Variants in ABCB5 observed in about 807,000 individuals in gnomAD.
The protein encoded by ABCB5 is ATP binding cassette subfamily B member 5, also known as ATP-binding cassette sub-family B member 5.
In ABCB5, 155 loss-of-function variants were observed where a neutral mutation model predicts 144.2. The observed-to-expected ratio is 1.08, with a 90% CI of 0.94 to 1.23. ABCB5 has a LOEUF of 1.23. Ranked by LOEUF, ABCB5 falls within the 50% of genes most tolerant of loss-of-function variation. The pLI, the probability that ABCB5 is intolerant of heterozygous loss-of-function variation, is 0.00. For missense variants in ABCB5, 1,830 were observed against 1,520.8 expected, an observed-to-expected ratio of 1.20 and a Z score of -3.38; for synonymous variants, 610 against 528.6, an observed-to-expected ratio of 1.15 and a Z score of -2.11.
intron 12 of ABCB5, among the ~76,000 whole-genome samples, chr7:20,651,039 T>G (rs1784565963): frequency 6.6e-6 from 1 of 152,196 alleles, no homozygotes; most frequent in Non-Finnish European, 1.5e-5. Flanking sequence ...TGTGAGATGT[T>G]GAAATAATGG....
intron 23 of ABCB5, among the ~76,000 whole-genome samples, chr7:20,735,663 T>G (rs1211890657): frequency 6.6e-6 from 1 of 152,124 alleles, no homozygotes; most frequent in African/African-American, 2.4e-5. Flanking sequence ...ACAGTTGATA[T>G]CTAGGGCCTT....
intron 20 of ABCB5, among the ~76,000 whole-genome samples, chr7:20,720,827 C>G (rs534859688): frequency 1.3e-5 from 2 of 150,896 alleles, no homozygotes; most frequent in East Asian, 3.9e-4. Context: ...GCCTGTAGTC[C>G]CAGCTACACG....
At chr7:20,690,355 C>G (rs1343114036) in intron 16 of ABCB5, among the ~76,000 whole-genome samples, 1 of 152,132 alleles carries the variant, frequency 6.6e-6, no homozygotes, top group Non-Finnish European at 1.5e-5. Context: ...TGTATCACAA[C>G]TTTAGGTTAC....
chr7:20,630,294 T>G (rs1784011020), intron 4 of ABCB5, among the ~76,000 whole-genome samples: 1 of 152,180 alleles, frequency 6.6e-6, no homozygotes, highest in South Asian at 2.1e-4. Context: ...TTAGCCTTTC[T>G]TTGTTCAGTC....
chr7:20,650,515 T>C (rs1384977745), intron 12 of ABCB5, among the ~76,000 whole-genome samples: 2 of 152,068 alleles, frequency 1.3e-5, no homozygotes, highest in African/African-American at 4.8e-5. Context: ...CTATCAAGAA[T>C]TTCAAAGTTT....
intron 20 of ABCB5, among the ~76,000 whole-genome samples, chr7:20,715,709 C>A (rs919193629): frequency 6.6e-6 from 1 of 150,862 alleles, no homozygotes; most frequent in African/African-American, 2.5e-5. Flanking sequence ...CGCACCCAGC[C>A]TAGAGCGAGC....
intron 16 of ABCB5, 75 bp downstream of exon 16, chr7:20,685,911 T>C (rs1221057417): frequency 7.2e-7 from 1 of 1,381,832 alleles, no homozygotes; most frequent in Non-Finnish European, 9.5e-7. Context: ...AATTTAAAAT[T>C]TATTTATAGT....
intron 19 of ABCB5, among the ~76,000 whole-genome samples, chr7:20,703,149 C>T (rs1194975096): frequency 3.9e-5 from 6 of 152,116 alleles, no homozygotes. Context: ...ATATTTTTTA[C>T]TTTATACTGT....
At chr7:20,728,579 C>T (rs975929522) in intron 23 of ABCB5, 124 bp downstream of exon 23, 3 of 1,127,294 alleles carry the variant, frequency 2.7e-6, no homozygotes, top group South Asian at 1.8e-5. Flanking sequence ...CATAATAAAA[C>T]CCCATCTCTA....
At chr7:20,716,864 C>G (rs1183316002) in intron 20 of ABCB5, among the ~76,000 whole-genome samples, 1 of 152,128 alleles carries the variant, frequency 6.6e-6, no homozygotes, top group African/African-American at 2.4e-5. Flanking sequence ...TACAGCTTTC[C>G]CTTAGGAATT....
At chr7:20,662,638 CA>C (rs1312271054) in intron 14 of ABCB5, among the ~76,000 whole-genome samples, 1 of 152,046 alleles carries the variant, frequency 6.6e-6, no homozygotes, top group Admixed American at 6.5e-5. Context: ...GAAATTTAGA[CA>C]GAAAATCAAA....
At chr7:20,676,958 G>C (rs1785633775) in intron 14 of ABCB5, among the ~76,000 whole-genome samples, 1 of 152,106 alleles carries the variant, frequency 6.6e-6, no homozygotes, top group African/African-American at 2.4e-5. Context: ...TACTAGATTT[G>C]TCATTATAAA....
chr7:20,664,765 T>C (rs1562548762), intron 14 of ABCB5, among the ~76,000 whole-genome samples: 1 of 152,218 alleles, frequency 6.6e-6, no homozygotes, highest in Non-Finnish European at 1.5e-5. Flanking sequence ...TGTAAATTTC[T>C]CCACAAATAC....
At position 20,632,130 on chromosome 7, in the gene ABCB5, C is replaced by T. The variant is rs998534128; in HGVS notation, c.314+17C>T. ...TATGACTCTGTAAGTCCAAATGAAA[C>T]GTTAATATCACATTCGTTGAATGAT... On this transcript the variant is annotated intron_variant, in intron 5 of 27. Transcript: ENST00000404938. 2.0e-5 allele frequency: 29 copies of T among 1,472,214 alleles called. No homozygotes were observed. Among genetic ancestry groups the T allele is most frequent in the Admixed American group, 7.6e-5 (3 of 39,482 alleles). 91.2% of individuals were successfully genotyped at this position (1,472,214 alleles called of 1,614,324 possible). A position where few individuals can be genotyped will look rare whatever the true frequency, so the allele number is the denominator to read the frequency against.
At chr7:20,643,687 A>G (rs1400279016) in intron 7 of ABCB5, 55 bp downstream of exon 7, 6 of 1,582,200 alleles carry the variant, frequency 3.8e-6, no homozygotes, top group South Asian at 1.1e-5. Context: ...GGACTAAATG[A>G]CTCACTGAGT....
chr7:20,743,233 CA>C (rs1235813283), intron 25 of ABCB5, among the ~76,000 whole-genome samples, 159 bp downstream of exon 25: 1 of 152,158 alleles, frequency 6.6e-6, no homozygotes, highest in Non-Finnish European at 1.5e-5. Flanking sequence ...AGAGGACAAG[CA>C]AACCATCACA....
intron 20 of ABCB5, among the ~76,000 whole-genome samples, chr7:20,715,414 T>C (rs539495534): frequency 6.6e-6 from 1 of 152,178 alleles, no homozygotes; most frequent in East Asian, 1.9e-4. Context: ...TGTGTGTGTG[T>C]GCGTGTGTGT....
intron 20 of ABCB5, among the ~76,000 whole-genome samples, chr7:20,719,227 G>C (rs1396492487): frequency 6.6e-6 from 1 of 151,854 alleles, no homozygotes; most frequent in South Asian, 2.1e-4. Flanking sequence ...AGGTAAATAG[G>C]GGCCCTCATT....
chr7:20,636,944 T>C (rs1488189296), intron 5 of ABCB5, among the ~76,000 whole-genome samples: 1 of 152,110 alleles, frequency 6.6e-6, no homozygotes, highest in African/African-American at 2.4e-5. Flanking sequence ...GAAAACATTA[T>C]CTATGACAGC....
Sources: gnomAD v4.1 joint callset for allele counts (sites outside exome capture counted in the v4.1 genomes callset) on GRCh38, gnomAD v4.1.1 for gene constraint, MANE v1.5 for transcripts, NCBI Gene and HGNC (gene_info 2026-07-23, HGNC 2026-07-21) for gene names.